DLG2: variants seen among roughly 807,000 people sequenced by gnomAD.
DLG2 encodes the protein discs large MAGUK scaffold protein 2.
In DLG2, 45 loss-of-function variants were observed where a neutral mutation model predicts 132.5. The observed-to-expected ratio is 0.34, with a 90% CI of 0.27 to 0.44. The LOEUF is 0.44. DLG2 is among the 20% of genes least tolerant of loss of function. The probability of loss-of-function intolerance (pLI) is 1.00; values close to 1 mark genes in which losing one functional copy is unlikely to be tolerated. For missense variants in DLG2, 1,045 were observed against 1,196.9 expected (o/e 0.87, Z 1.87); for synonymous variants, 424 against 419.6 (o/e 1.01, Z -0.13).
intron 6 of DLG2, among the ~76,000 whole-genome samples, chr11:84,611,018 A>T (rs549519698): frequency 9.1e-6 from 1 of 110,038 alleles, no homozygotes; most frequent in African/African-American, 4.0e-5. Flanking sequence ...TGTCTGTTAG[A>T]TGACATACAC....
intron 10 of DLG2, among the ~76,000 whole-genome samples, chr11:84,079,627 A>G (rs2096876407): frequency 6.6e-6 from 1 of 152,180 alleles, no homozygotes; most frequent in African/African-American, 2.4e-5. Context: ...CACTCTTATC[A>G]GCTAAGCCAG....
intron 2 of DLG2, among the ~76,000 whole-genome samples, chr11:85,614,688 T>C (rs907221198): frequency 1.3e-5 from 2 of 152,202 alleles, no homozygotes; most frequent in Non-Finnish European, 2.9e-5. Flanking sequence ...CACAAAGGTG[T>C]CATTTTATTA....
At chr11:85,124,454 T>C (rs2074821773) in intron 5 of DLG2, among the ~76,000 whole-genome samples, 1 of 152,230 alleles carries the variant, frequency 6.6e-6, no homozygotes, top group Admixed American at 6.5e-5. Context: ...TATAAACTAA[T>C]TTGATTCTGT....
At chr11:83,493,433 C>T (rs2093984715) in intron 21 of DLG2, among the ~76,000 whole-genome samples, 1 of 149,672 alleles carries the variant, frequency 6.7e-6, no homozygotes, top group Non-Finnish European at 1.5e-5. Flanking sequence ...TGCCTGCATA[C>T]ACATTTGTTT....
chr11:84,819,422 C>G (rs989139470), intron 6 of DLG2, among the ~76,000 whole-genome samples: 1 of 151,864 alleles, frequency 6.6e-6, no homozygotes, highest in Non-Finnish European at 1.5e-5. Flanking sequence ...CACCAGTCCT[C>G]TTCAGATTCA....
intron 19 of DLG2, among the ~76,000 whole-genome samples, chr11:83,603,072 T>C (rs1300897285): frequency 6.6e-6 from 1 of 151,712 alleles, no homozygotes; most frequent in Non-Finnish European, 1.5e-5. Context: ...GTATGTGTGT[T>C]CGTGTGTGTG....
At chr11:83,899,630 T>C (rs1565556371) in intron 15 of DLG2, among the ~76,000 whole-genome samples, 2 of 152,176 alleles carry the variant, frequency 1.3e-5, no homozygotes, top group Non-Finnish European at 2.9e-5. Flanking sequence ...CTCTCTTCTC[T>C]TGTCTGCTGC....
intron 19 of DLG2, among the ~76,000 whole-genome samples, chr11:83,549,939 T>C (rs181603916): frequency 2.6e-4 from 39 of 152,296 alleles, no homozygotes; most frequent in African/African-American, 9.4e-4. Context: ...TGCATTTCTC[T>C]AGGATGTATT....
intron 3 of DLG2, among the ~76,000 whole-genome samples, chr11:85,396,813 G>C (rs1046089331): frequency 9.9e-5 from 15 of 152,206 alleles, no homozygotes; most frequent in Non-Finnish European, 1.9e-4. Context: ...TGGTGTACTG[G>C]AAAGTGATGC....
intron 7 of DLG2, among the ~76,000 whole-genome samples, chr11:84,382,186 C>A (rs1297095820): frequency 6.6e-6 from 1 of 152,126 alleles, no homozygotes; most frequent in Non-Finnish European, 1.5e-5. Context: ...TAATCTAGTT[C>A]TTCGTCACTG....
intron 3 of DLG2, among the ~76,000 whole-genome samples, chr11:85,526,158 T>C (rs2074725308): frequency 1.3e-5 from 2 of 152,170 alleles, no homozygotes; most frequent in Admixed American, 1.3e-4. Context: ...TCTAGTCTTG[T>C]TTAACAAAGC....
chr11:84,072,635 A>G (rs2096774146), intron 10 of DLG2, among the ~76,000 whole-genome samples: 1 of 152,208 alleles, frequency 6.6e-6, no homozygotes. Context: ...TGAGGTAAGG[A>G]GCACAGATCA....
intron 16 of DLG2, among the ~76,000 whole-genome samples, chr11:83,867,085 A>G (rs2062536001): frequency 6.6e-6 from 1 of 152,212 alleles, no homozygotes; most frequent in South Asian, 2.1e-4. Context: ...GTTAACAAAA[A>G]ACTCCAAAAC....
chr11:83,932,661 T>C (rs1301102873), intron 14 of DLG2, among the ~76,000 whole-genome samples: 1 of 152,054 alleles, frequency 6.6e-6, no homozygotes, highest in Admixed American at 6.6e-5. Flanking sequence ...AACACAGAAA[T>C]GGCACATAGT....
chr11:83,867,539 C>G (rs2062625625), intron 16 of DLG2, among the ~76,000 whole-genome samples: 1 of 151,990 alleles, frequency 6.6e-6, no homozygotes, highest in South Asian at 2.1e-4. Flanking sequence ...TTTTATGGAA[C>G]AATAATGATG....
intron 6 of DLG2, among the ~76,000 whole-genome samples, chr11:84,592,516 C>A (rs1022977226): frequency 6.6e-6 from 1 of 152,042 alleles, no homozygotes; most frequent in Non-Finnish European, 1.5e-5. Context: ...AAACTATCAT[C>A]AGAGTGAACA....
Position 83,564,274 on chromosome 11 carries a change from A to T in DLG2, c.1941-22416T>A, listed in dbSNP as rs1282926735. 2.6e-5 allele frequency among the ~76,000 whole-genome samples: 4 copies of T among 152,316 alleles called. No homozygotes were observed. In the East Asian group the frequency reaches 7.7e-4, roughly 29 times the overall value. On this transcript the variant is annotated intron_variant, in intron 19 of 27. Coordinates refer to ENST00000376104, the MANE Select transcript of DLG2 (RefSeq NM_001142699.3). ...AGAAAAATGTTAAATTCATTAGATG[A>T]AAATTGAAAATATTCACAAGTGTCC...
intron 5 of DLG2, among the ~76,000 whole-genome samples, chr11:85,144,089 T>TTA (rs929879455): frequency 1.3e-5 from 2 of 151,878 alleles, no homozygotes; most frequent in Non-Finnish European, 2.9e-5. Flanking sequence ...AATATTTGTT[T>TTA]TATATATATG....
At position 84,251,250 on chromosome 11, in the gene DLG2, G is replaced by A. The variant is rs1268649791; in HGVS notation, c.561C>T (p.Asp187=). 1 of 1,585,992 alleles carries A rather than the reference G, an allele frequency of 6.3e-7. No individual in the cohort carries two copies. The highest frequency in any genetic ancestry group is 8.6e-7 in the Non-Finnish European group (1 of 1,169,432). ...AAAAGTTACTTACATAAGGAATTGT[G>A]TCCAAAGTATCTGTGTTGACAATTA... ...APIIVNTDTL[D]TIPYVNGTEI... Residue 187 remains aspartate (D), a synonymous_variant, in exon 8 of 28, where the codon GAC becomes GAT. Transcript: ENST00000376104.
Sources: gnomAD v4.1 joint callset for allele counts (sites outside exome capture counted in the v4.1 genomes callset) on GRCh38, gnomAD v4.1.1 for gene constraint, MANE v1.5 for transcripts, NCBI Gene and HGNC (gene_info 2026-07-23, HGNC 2026-07-21) for gene names.